Variants in TAS1R2 observed in about 807,000 individuals in gnomAD.
TAS1R2 encodes the protein taste receptor type 1 member 2.
In TAS1R2, 47 loss-of-function variants were observed where a neutral mutation model predicts 49.3. The observed-to-expected ratio is 0.95, with a 90% CI of 0.75 to 1.22. The LOEUF is 1.22. TAS1R2 is among the 50% of genes most tolerant of loss of function. TAS1R2 has a pLI of 0.00. For missense variants in TAS1R2, 1,155 were observed against 1,122.1 expected (o/e 1.03, Z -0.42); for synonymous variants, 479 against 467.9 (o/e 1.02, Z -0.31).
At chr1:18,846,582 A>G (rs754878154) in intron 4 of TAS1R2, among the ~76,000 whole-genome samples, 1 of 152,250 alleles carries the variant, frequency 6.6e-6, no homozygotes, top group Non-Finnish European at 1.5e-5. Flanking sequence ...CCTAGTCCCC[A>G]GGACCCCAGA....
chr1:18,857,187 C>CA, intron 2 of TAS1R2, 144 bp downstream of exon 2: 1 of 954,064 alleles, frequency 1.0e-6, no homozygotes. Flanking sequence ...GCTACCTTCT[C>CA]AAGATTTGGG....
intron 5 of TAS1R2, among the ~76,000 whole-genome samples, 193 bp from the exon 6 acceptor site, chr1:18,840,720 T>C (rs1360022227): frequency 1.3e-5 from 2 of 152,172 alleles, no homozygotes; most frequent in East Asian, 3.9e-4. Flanking sequence ...ATTTCACAGA[T>C]GAGGAAACCA....
intron 4 of TAS1R2, among the ~76,000 whole-genome samples, chr1:18,843,686 C>G (rs1933868089): frequency 6.6e-6 from 1 of 152,182 alleles, no homozygotes; most frequent in Non-Finnish European, 1.5e-5. Context: ...TAAGAATGGG[C>G]AAGCCCAAAG....
intron 5 of TAS1R2, 71 bp from the exon 6 acceptor site, chr1:18,840,598 C>T (rs1933805718): frequency 2.6e-6 from 4 of 1,533,258 alleles, no homozygotes; most frequent in Non-Finnish European, 2.7e-6. Flanking sequence ...CAGCCCTGCA[C>T]AGGGCCAGGC....
chr1:18,854,560 A>G lies in TAS1R2; in HGVS notation c.910T>C (p.Trp304Arg). Reference sequence around the variant, plus strand: ...TTGTGCAGGACCGGGTCGATGGCCCAGGACTCGGAGGCGATCCACACGGCG... The same window carrying G: ...TTGTGCAGGACCGGGTCGATGGCCCGGGACTCGGAGGCGATCCACACGGCG... Residue 304 changes from tryptophan (W) to arginine (R), a missense_variant, in exon 3 of 6, where the codon TGG becomes CGG. Physicochemically the swap from Trp to Arg is moderately radical, Grantham distance 101. Transcript: ENST00000375371. The surrounding 1 kb of genome is among the most constrained non-coding windows in gnomAD (Gnocchi z 4.9). The G allele has an allele frequency of 1.2e-6, 2 of 1,613,668 alleles. No homozygotes were observed. The highest frequency in any genetic ancestry group is 1.7e-6 in the Non-Finnish European group (2 of 1,179,836).
At chr1:18,859,389 T>C (rs1934200056) in intron 1 of TAS1R2, 90 bp downstream of exon 1, 1 of 1,504,244 alleles carries the variant, frequency 6.6e-7, no homozygotes, top group Non-Finnish European at 9.1e-7. Flanking sequence ...AAGCCCTTGG[T>C]CCTGGTCTGG....
intron 2 of TAS1R2, among the ~76,000 whole-genome samples, 190 bp from the exon 3 acceptor site, chr1:18,855,176 G>C (rs1396070184): frequency 1.3e-5 from 2 of 152,172 alleles, no homozygotes; most frequent in African/African-American, 4.8e-5. Flanking sequence ...CTGTGTGCCA[G>C]GCCCTAGGCC....
chr1:18,841,833 G>C (rs1400899607), exon 5 of TAS1R2: 1 of 1,611,916 alleles, frequency 6.2e-7, no homozygotes, highest in African/African-American at 1.3e-5. Flanking sequence ...GCACCTCTTG[G>C]AACACATGGA....
At chr1:18,844,932 T>C (rs779899219) in intron 4 of TAS1R2, among the ~76,000 whole-genome samples, 5 of 152,194 alleles carry the variant, frequency 3.3e-5, no homozygotes, top group Admixed American at 3.3e-4. Context: ...GCTACTGCCA[T>C]TGCAGAACAC....
At position 18,854,450 on chromosome 1, in the gene TAS1R2, C is replaced by G. The variant is rs747593238; in HGVS notation, c.1020G>C (p.Glu340Asp). 74 of 1,614,068 alleles carry G rather than the reference C, an allele frequency of 4.6e-5. No individual in the cohort carries two copies. The highest frequency in any genetic ancestry group is 6.0e-5 in the Non-Finnish European group (71 of 1,180,046). The change falls in exon 3 of 6, where the codon GAG becomes GAC. Residue 340 changes from glutamate (E) to aspartate (D), a missense_variant. Coordinates refer to ENST00000375371, the Ensembl canonical transcript of TAS1R2. The surrounding 1 kb of genome is among the most constrained non-coding windows in gnomAD (Gnocchi z 4.9). ...GTGGCGGCCCAGCCTGTGGGCCCCA[C>G]TCGCGGAACTCACTGAAGCCCGGGA...
intron 3 of TAS1R2, 123 bp from the exon 4 acceptor site, chr1:18,849,673 C>A: frequency 9.1e-7 from 1 of 1,095,140 alleles, no homozygotes; most frequent in African/African-American, 1.6e-5. Context: ...AATATGGAGG[C>A]AATAAATCTC....
chr1:18,849,499 A>C (rs1933983427), exon 4 of TAS1R2: 1 of 1,614,110 alleles, frequency 6.2e-7, no homozygotes. Flanking sequence ...GGGTCGAAGA[A>C]GATTTGGTGG....
intron 4 of TAS1R2, among the ~76,000 whole-genome samples, chr1:18,847,532 G>T (rs1409543186): frequency 7.2e-6 from 1 of 138,476 alleles, no homozygotes; most frequent in African/African-American, 2.7e-5. Context: ...CTGGGGGGAA[G>T]AGGGTGCAGG....
chr1:18,852,221 G>T (rs147016320), intron 3 of TAS1R2, among the ~76,000 whole-genome samples: 94 of 152,100 alleles, frequency 6.2e-4, no homozygotes, highest in African/African-American at 2.2e-3. Context: ...AAAATAAACA[G>T]AGTGCCGTGG....
chr1:18,851,210 GT>G (rs1367710544), intron 3 of TAS1R2, among the ~76,000 whole-genome samples: 1 of 152,184 alleles, frequency 6.6e-6, no homozygotes, highest in Non-Finnish European at 1.5e-5. Context: ...GGAGAGAGCT[GT>G]GTGGGGAAGA....
At position 18,857,570 on chromosome 1, in the gene TAS1R2, TCTC is replaced by T. The variant is rs768185107; in HGVS notation, c.241_243del (p.Glu81del). Reference sequence around the variant, plus strand: ...GGCAGCAGGCTGCTGTCATTGTTGATCTCCTCCACCGCAAAGCGCATGGCCTGC... The same window carrying T: ...GGCAGCAGGCTGCTGTCATTGTTGATCTCCACCGCAAAGCGCATGGCCTGC... On this transcript the variant is annotated inframe_deletion, in exon 2 of 6. Coordinates refer to ENST00000375371, the Ensembl canonical transcript of TAS1R2. 11 of 1,614,068 alleles carry T rather than the reference TCTC, an allele frequency of 6.8e-6. No individual in the cohort carries two copies. In the Admixed American group the frequency reaches 1.0e-4, roughly 15 times the overall value.
intron 4 of TAS1R2, among the ~76,000 whole-genome samples, chr1:18,848,626 C>T (rs1298586973): frequency 1.3e-5 from 2 of 152,174 alleles, no homozygotes; most frequent in African/African-American, 4.8e-5. Flanking sequence ...GTATTTACAA[C>T]TGCTCCCCAT....
chr1:18,854,866 G>T lies in TAS1R2; in HGVS notation c.604C>A (p.Arg202Ser). ...ACCAGCACAATGATCCAGTTCCAGC[G>T]GAAGTGCAGCATCAGCTGCACCATG... Residue 202 changes from arginine to serine, a missense_variant, in exon 3 of 6, where the codon CGC becomes AGC. Coordinates refer to ENST00000375371, the Ensembl canonical transcript of TAS1R2. The surrounding 1 kb of genome is among the most constrained non-coding windows in gnomAD (Gnocchi z 4.9). 2 of 1,611,756 alleles carry T rather than the reference G, an allele frequency of 1.2e-6. No homozygotes were observed. Among genetic ancestry groups the T allele is most frequent in the Non-Finnish European group, 1.7e-6 (2 of 1,179,912 alleles).
At chr1:18,857,208 G>C in intron 2 of TAS1R2, 123 bp downstream of exon 2, 1 of 1,141,358 alleles carries the variant, frequency 8.8e-7, no homozygotes, top group Non-Finnish European at 1.2e-6. Context: ...CTGATGTCCT[G>C]ACCCTGCTTC....
Sources: allele counts gnomAD v4.1 joint callset (sites outside exome capture counted in the v4.1 genomes callset), GRCh38; gene constraint gnomAD v4.1.1; non-coding constraint Gnocchi (gnomAD v3.1); transcripts MANE v1.5; gene names NCBI Gene and HGNC (gene_info 2026-07-23, HGNC 2026-07-21).